STX18: variants seen among roughly 807,000 people sequenced by gnomAD.
The protein encoded by STX18 is syntaxin-18.
Under a neutral mutation model 50.1 loss-of-function variants are expected in STX18, and 40 were observed. The ratio of observed to expected loss-of-function variants is 0.80; its 90% CI spans 0.62 to 1.04. STX18 has a LOEUF of 1.04. Ranked by LOEUF, STX18 falls within the 50% of genes least tolerant of loss-of-function variation. The pLI is 0.00. For synonymous variants in STX18, 158 were observed against 151.8 expected (o/e 1.04, Z -0.30); for missense variants, 410 against 415.8 (o/e 0.99, Z 0.12).
intron 7 of STX18, among the ~76,000 whole-genome samples, chr4:4,429,056 C>A (rs918538323): frequency 7.2e-5 from 11 of 152,306 alleles, no homozygotes; most frequent in Admixed American, 5.2e-4. Context: ...CACTCTCCCC[C>A]ACCCTCCAAC....
rs1286207573 is a variant in STX18 at position 4,488,029 on chromosome 4, T to G, written c.169-16323A>C. Reference sequence around the variant, plus strand: ...TGGTCATGATGTGTTAAAAGTTGTTTTTTTTTTAAATGTGGAATTGTTTCA... The same window carrying G: ...TGGTCATGATGTGTTAAAAGTTGTTGTTTTTTTAAATGTGGAATTGTTTCA... On this transcript the variant is annotated intron_variant, in intron 1 of 10. Coordinates refer to ENST00000306200, the MANE Select transcript of STX18 (RefSeq NM_016930.4). Among the ~76,000 whole-genome samples the G allele has an allele frequency of 2.0e-5, 3 of 152,302 alleles. No homozygotes were observed. In the East Asian group the frequency reaches 5.8e-4, roughly 29 times the overall value.
intron 5 of STX18, among the ~76,000 whole-genome samples, chr4:4,447,481 C>A (rs1484724221): frequency 6.6e-6 from 1 of 151,200 alleles, no homozygotes; most frequent in Non-Finnish European, 1.5e-5. Context: ...GTCCCAGCTA[C>A]TCGGGAGGCT....
intron 2 of STX18, among the ~76,000 whole-genome samples, chr4:4,461,588 T>A (rs1435739896): frequency 6.6e-6 from 1 of 152,192 alleles, no homozygotes; most frequent in Non-Finnish European, 1.5e-5. Flanking sequence ...ATACTCCACA[T>A]AAAATGTTCC....
chr4:4,433,691 C>T (rs1215371439), intron 7 of STX18, among the ~76,000 whole-genome samples: 1 of 152,192 alleles, frequency 6.6e-6, no homozygotes, highest in South Asian at 2.1e-4. Flanking sequence ...GTGGGGTTGC[C>T]GGGTCTGTCT....
intron 7 of STX18, among the ~76,000 whole-genome samples, chr4:4,430,612 C>A (rs1224959439): frequency 1.3e-5 from 2 of 152,186 alleles, no homozygotes; most frequent in African/African-American, 4.8e-5. Flanking sequence ...TAGACAATGA[C>A]TCGGGACAGT....
At chr4:4,459,692 T>C (rs1727277276) in intron 2 of STX18, among the ~76,000 whole-genome samples, 1 of 151,832 alleles carries the variant, frequency 6.6e-6, no homozygotes, top group Non-Finnish European at 1.5e-5. Flanking sequence ...TGGTAGAAAA[T>C]CCTCCGGAAT....
chr4:4,496,224 C>T (rs564915057), intron 1 of STX18, among the ~76,000 whole-genome samples: 3 of 152,228 alleles, frequency 2.0e-5, no homozygotes, highest in East Asian at 3.9e-4. Flanking sequence ...TAAATAGCAA[C>T]GCCAGTGGTA....
intron 5 of STX18, among the ~76,000 whole-genome samples, chr4:4,443,101 T>C (rs973994374): frequency 1.3e-5 from 2 of 152,238 alleles, no homozygotes; most frequent in Non-Finnish European, 2.9e-5. Flanking sequence ...GTGACTCCTA[T>C]GGAGGGGACC....
At chr4:4,515,418 G>T (rs1418367972) in intron 1 of STX18, among the ~76,000 whole-genome samples, 1 of 152,100 alleles carries the variant, frequency 6.6e-6, no homozygotes, top group Non-Finnish European at 1.5e-5. Flanking sequence ...AATAGCCAAG[G>T]TTCCTGGATA....
chr4:4,440,370 C>T (rs964577592), intron 5 of STX18, among the ~76,000 whole-genome samples: 2 of 152,166 alleles, frequency 1.3e-5, no homozygotes, highest in South Asian at 4.1e-4. Flanking sequence ...AACCTTTTAA[C>T]AAAGGAGGAA....
intron 1 of STX18, among the ~76,000 whole-genome samples, chr4:4,511,071 A>G (rs998618771): frequency 2.0e-5 from 3 of 152,216 alleles, no homozygotes; most frequent in Non-Finnish European, 2.9e-5. Context: ...CTTAAAACCT[A>G]TATGACGGGT....
chr4:4,517,328 C>A (rs898557959), intron 1 of STX18, among the ~76,000 whole-genome samples: 34 of 152,102 alleles, frequency 2.2e-4, no homozygotes, highest in Non-Finnish European at 1.5e-5. Context: ...AACACCCCAA[C>A]ATCAGAAAAA....
At chr4:4,502,119 AC>A (rs1729486729) in intron 1 of STX18, among the ~76,000 whole-genome samples, 1 of 152,224 alleles carries the variant, frequency 6.6e-6, no homozygotes, top group South Asian at 2.1e-4. Flanking sequence ...ACACACAAAG[AC>A]CTCTATTAGG....
intron 7 of STX18, among the ~76,000 whole-genome samples, chr4:4,427,111 G>A (rs1486440344): frequency 6.6e-6 from 1 of 152,318 alleles, no homozygotes; most frequent in East Asian, 1.9e-4. Flanking sequence ...GAAGGCAGCT[G>A]TCCTCCTTTG....
chr4:4,461,817 C>T (rs1270883270), intron 2 of STX18: 1 of 454,246 alleles, frequency 2.2e-6, no homozygotes, highest in Non-Finnish European at 4.4e-6. Flanking sequence ...ACCTTGCCTC[C>T]TCCCAGAGCC....
At chr4:4,445,674 G>T (rs900651503) in intron 5 of STX18, among the ~76,000 whole-genome samples, 2 of 151,818 alleles carry the variant, frequency 1.3e-5, no homozygotes, top group African/African-American at 4.8e-5. Context: ...CTGAGAAAAA[G>T]AAATTTAAAA....
intron 1 of STX18, among the ~76,000 whole-genome samples, chr4:4,498,798 AAGAG>A (rs994470402): frequency 3.3e-5 from 5 of 152,228 alleles, no homozygotes; most frequent in East Asian, 3.8e-4. Flanking sequence ...ATTTGATAAA[AAGAG>A]AGAGAAAGAT....
At chr4:4,430,771 G>C (rs1725479211) in intron 7 of STX18, among the ~76,000 whole-genome samples, 1 of 152,168 alleles carries the variant, frequency 6.6e-6, no homozygotes, top group African/African-American at 2.4e-5. Context: ...CATTTGCTCT[G>C]CCCTGCCCTC....
At chr4:4,504,539 G>C (rs1729606178) in intron 1 of STX18, among the ~76,000 whole-genome samples, 1 of 152,186 alleles carries the variant, frequency 6.6e-6, no homozygotes, top group Non-Finnish European at 1.5e-5. Context: ...TTAAATGGGA[G>C]ACTAAGAGAA....
Sources: gnomAD v4.1 joint callset for allele counts (sites outside exome capture counted in the v4.1 genomes callset) on GRCh38, gnomAD v4.1.1 for gene constraint, MANE v1.5 for transcripts, NCBI Gene and HGNC (gene_info 2026-07-23, HGNC 2026-07-21) for gene names.